EIF2AK1: variants seen among roughly 807,000 people sequenced by gnomAD.
EIF2AK1 encodes the protein eukaryotic translation initiation factor 2 alpha kinase 1, also known as eukaryotic translation initiation factor 2-alpha kinase 1.
In EIF2AK1, 54 loss-of-function variants were observed where a neutral mutation model predicts 77.9. The ratio of observed to expected loss-of-function variants is 0.69; its 90% CI spans 0.56 to 0.87. EIF2AK1 has a LOEUF of 0.87. EIF2AK1 is among the 40% of genes least tolerant of loss of function. The probability of loss-of-function intolerance (pLI) is 0.00; values close to 1 mark genes in which losing one functional copy is unlikely to be tolerated. For synonymous variants in EIF2AK1, 314 were observed against 290.5 expected, an observed-to-expected ratio of 1.08 and a Z score of -0.82; for missense variants, 810 against 768.6, an observed-to-expected ratio of 1.05 and a Z score of -0.64.
rs759982220 is a variant in EIF2AK1 at position 6,023,235 on chromosome 7, C to G, written c.*1438G>C. On this transcript the variant is annotated 3_prime_UTR_variant, in exon 15 of 15. Transcript: ENST00000199389. ...TGTGGTGTTTGGTGACTGTCCCCTT[C>G]CCCACTGTGCGAGTACTTCCCTCAG... 6.0e-6 allele frequency: 9 copies of G among 1,502,648 alleles called. No homozygotes were observed. Among genetic ancestry groups the G allele is most frequent in the Non-Finnish European group, 8.0e-6 (9 of 1,132,076 alleles). 93.1% of individuals were successfully genotyped at this position (1,502,648 alleles called of 1,614,324 possible).
In EIF2AK1 at chr7:6,029,026, T is replaced by A; in HGVS notation, c.1339A>T (p.Asn447Tyr). 6.2e-7 allele frequency: 1 copy of A among 1,609,396 alleles called. No homozygotes were observed. The highest frequency in any genetic ancestry group is 8.5e-7 in the Non-Finnish European group (1 of 1,178,532). Reference sequence around the variant, plus strand: ...TGATCAGGGCCATGAAGAAAAATATTTCTTGGCTATCAACAAACAAAACAA... The same window carrying A: ...TGATCAGGGCCATGAAGAAAAATATATCTTGGCTATCAACAAACAAAACAA... ...GIVHRDLKPRNIFLHGPDQQV... is the reference protein window; with the variant it reads ...GIVHRDLKPRYIFLHGPDQQV... The change falls in exon 12 of 15, where the codon AAT becomes TAT. Residue 447 changes from asparagine (N) to tyrosine (Y), a missense_variant. Asn to Tyr is a moderately radical substitution (Grantham distance 143). This residue lies in a region of EIF2AK1 where 549 missense variants were observed against 533.7 expected (regional missense o/e 1.03). Transcript: ENST00000199389.
intron 8 of EIF2AK1, among the ~76,000 whole-genome samples, chr7:6,042,711 A>G (rs1014193107): frequency 2.6e-5 from 4 of 152,038 alleles, no homozygotes; most frequent in Non-Finnish European, 5.9e-5. Flanking sequence ...CTAAAAATAC[A>G]AAAAACTAGC....
rs369853897 is a variant in EIF2AK1 at position 6,042,609 on chromosome 7, G to A, written c.791+324C>T. Among the ~76,000 whole-genome samples the A allele has an allele frequency of 2.0e-5, 3 of 152,252 alleles. No homozygotes were observed. The South Asian group carries it at 6.2e-4, about 32-fold the overall frequency. ...AGGCCAGGTGCAGTGGCTCACGCCT[G>A]TAATCCCAGCACTTTGGGAGGCCGA... On this transcript the variant is annotated intron_variant, in intron 8 of 14. Coordinates refer to ENST00000199389, the MANE Select transcript of EIF2AK1 (RefSeq NM_014413.4).
chr7:6,054,252 T>C (rs1788687783), intron 2 of EIF2AK1, among the ~76,000 whole-genome samples: 1 of 152,080 alleles, frequency 6.6e-6, no homozygotes, highest in South Asian at 2.1e-4. Flanking sequence ...TCACCCAGGC[T>C]GGAGTGCAGT....
intron 10 of EIF2AK1, among the ~76,000 whole-genome samples, chr7:6,038,240 G>A (rs1788160502): frequency 6.6e-6 from 1 of 152,050 alleles, no homozygotes; most frequent in South Asian, 2.1e-4. Context: ...GACCAGCCTG[G>A]GCAGGATAAT....
Position 6,035,445 on chromosome 7 carries a change from G to T in EIF2AK1, c.1332+1979C>A. 6.5e-7 allele frequency: 1 copy of T among 1,548,940 alleles called. No homozygotes were observed. The highest frequency in any genetic ancestry group is 1.2e-5 in the South Asian group (1 of 83,954). ...ACGTGTAATCAATACCCATTCTAGG[G>T]ACACGACAGGCCTCACCACACTCAA... is the stretch of plus-strand genomic sequence containing the variant. On this transcript the variant is annotated intron_variant, in intron 11 of 14. Coordinates refer to ENST00000199389, the MANE Select transcript of EIF2AK1 (RefSeq NM_014413.4). The surrounding 1 kb of genome is among the most constrained non-coding windows in gnomAD (Gnocchi z 5.5).
intron 9 of EIF2AK1, among the ~76,000 whole-genome samples, chr7:6,039,439 A>G (rs533572827): frequency 2.8e-4 from 43 of 151,418 alleles, no homozygotes; most frequent in Middle Eastern, 6.8e-3. Context: ...GAACAACATG[A>G]TGAAACCTCG....
In EIF2AK1 at chr7:6,027,903, A is replaced by AT. The variant is rs757506007; in HGVS notation, c.1530+711dup. 4 of 449,140 alleles carry AT rather than the reference A, an allele frequency of 8.9e-6. No homozygotes were observed. Among genetic ancestry groups the AT allele is most frequent in the Admixed American group, 2.4e-5 (1 of 41,780 alleles). The allele number at this position is 449,140 out of a possible 1,614,324, so 27.8% of individuals were successfully genotyped here. ...AAAGCAAGACCCATCTCTACAAATA[A>AT]TTTTTTTTATTAGCTGGGTGTGGTA... is the stretch of plus-strand genomic sequence containing the variant. On this transcript the variant is annotated intron_variant, in intron 13 of 14. Transcript: ENST00000199389. This position sits in a 1 kb window ranked among gnomAD's most constrained non-coding sequence, Gnocchi z 4.5.
chr7:6,058,208 G>A (rs1458546689), intron 1 of EIF2AK1: 4 of 453,494 alleles, frequency 8.8e-6, no homozygotes, highest in Admixed American at 4.7e-5. Flanking sequence ...CCAGGCGTTC[G>A]AGACCAGCCT....
At chr7:6,057,294 T>A (rs1788807952) in intron 1 of EIF2AK1, among the ~76,000 whole-genome samples, 2 of 151,978 alleles carry the variant, frequency 1.3e-5, no homozygotes, top group Non-Finnish European at 2.9e-5. Flanking sequence ...GCAACAACAT[T>A]TCCATGTATT....
In EIF2AK1 at chr7:6,036,433, A is replaced by G; in HGVS notation, c.1332+991T>C. On this transcript the variant is annotated intron_variant, in intron 11 of 14. Transcript: ENST00000199389. This position sits in a 1 kb window ranked among gnomAD's most constrained non-coding sequence, Gnocchi z 4.6. The stretch of plus-strand genomic sequence containing the variant: ...AGCAGAGGGACTTTCAGCCACTCAA[A>G]CTGCATTTTCTGGCTAGACATGTCC... 1.5e-6 allele frequency: 2 copies of G among 1,372,020 alleles called. No individual in the cohort carries two copies. The highest frequency in any genetic ancestry group is 9.6e-7 in the Non-Finnish European group (1 of 1,045,054). The allele number at this position is 1,372,020 out of a possible 1,614,324, so 85.0% of individuals were successfully genotyped here.
chr7:6,052,531 G>A (rs563523975), intron 2 of EIF2AK1, among the ~76,000 whole-genome samples: 28 of 129,152 alleles, frequency 2.2e-4, no homozygotes, highest in Admixed American at 2.1e-3. Context: ...AACTAAAAAC[G>A]CATTCAGTTT....
Position 6,032,892 on chromosome 7 carries a change from G to A in EIF2AK1, c.1333-3860C>T. The stretch of plus-strand genomic sequence containing the variant: ...TGGCTGCCAAGTACCACAAGGCCCA[G>A]AGTCTGCTCTGCCTGTTACGGCACG... On this transcript the variant is annotated intron_variant, in intron 11 of 14. Transcript: ENST00000199389. The surrounding 1 kb of genome is among the most constrained non-coding windows in gnomAD (Gnocchi z 4.3). The A allele has an allele frequency of 6.4e-7, 1 of 1,551,076 alleles. No homozygotes were observed. Among genetic ancestry groups the A allele is most frequent in the East Asian group, 2.4e-5 (1 of 40,928 alleles).
chr7:6,049,046 G>A (rs552486712), intron 3 of EIF2AK1, among the ~76,000 whole-genome samples: 2 of 152,134 alleles, frequency 1.3e-5, no homozygotes, highest in East Asian at 1.9e-4. Flanking sequence ...CAAGACTGAC[G>A]TCACCTTCAA....
chr7:6,023,403 T>C lies in EIF2AK1; in HGVS notation c.*1270A>G. On this transcript the variant is annotated 3_prime_UTR_variant, in exon 15 of 15. Coordinates refer to ENST00000199389, the MANE Select transcript of EIF2AK1 (RefSeq NM_014413.4). ...TGTTCTCTCTGTTTGGCCAGAAGCA[T>C]AATGCTGTCAACGCAACCCTTATAG... 6.2e-7 allele frequency: 1 copy of C among 1,614,216 alleles called. No homozygotes were observed.
intron 11 of EIF2AK1, chr7:6,031,446 C>A: frequency 6.4e-7 from 1 of 1,550,738 alleles, no homozygotes; most frequent in Non-Finnish European, 8.7e-7. Context: ...GAAGATGGCC[C>A]ATCTGCAGCA....
At chr7:6,050,695 C>T (rs944241563) in intron 2 of EIF2AK1, among the ~76,000 whole-genome samples, 3 of 150,744 alleles carry the variant, frequency 2.0e-5, no homozygotes, top group Admixed American at 6.6e-5. Context: ...CTCTGCCTCC[C>T]GGGTTCATGC....
At position 6,041,127 on chromosome 7, in the gene EIF2AK1, G is replaced by C. The variant is rs1176502616; in HGVS notation, c.884C>G (p.Ser295Cys). 1 of 1,613,774 alleles carries C rather than the reference G, an allele frequency of 6.2e-7. No homozygotes were observed. Among genetic ancestry groups the C allele is most frequent in the East Asian group, 2.2e-5 (1 of 44,884 alleles). Reference protein sequence around the residue: ...TPEKEKRFGESDTENQNNKSV... With the variant: ...TPEKEKRFGECDTENQNNKSV... ...CTTGTTATTCTGATTTTCAGTGTCA[G>C]ATTCTCCAAAGCGTTTTTCTTTTTC... The change falls in exon 9 of 15, where the codon TCT becomes TGT. Residue 295 changes from serine to cysteine, a missense_variant. Coordinates refer to ENST00000199389, the MANE Select transcript of EIF2AK1 (RefSeq NM_014413.4).
rs865839849 is a variant in EIF2AK1 at position 6,022,901 on chromosome 7, C to T, written c.*1772G>A. 1 of 183,434 alleles carries T rather than the reference C, an allele frequency of 5.5e-6. No homozygotes were observed. Among genetic ancestry groups the T allele is most frequent in the East Asian group, 1.5e-4 (1 of 6,674 alleles). 11.4% of individuals were successfully genotyped at this position (183,434 alleles called of 1,614,324 possible). On this transcript the variant is annotated 3_prime_UTR_variant, in exon 15 of 15. Transcript: ENST00000199389. ...TGGTTTATGTTGATATGGAGATAAG[C>T]GAGTTCATGTCATTCATATCTTAAT...
Sources: gnomAD v4.1 joint callset for allele counts (sites outside exome capture counted in the v4.1 genomes callset) on GRCh38, gnomAD v4.1.1 for gene constraint, gnomAD v4.1.1 regional missense constraint, Gnocchi (gnomAD v3.1) non-coding constraint, MANE v1.5 for transcripts, NCBI Gene and HGNC (gene_info 2026-07-23, HGNC 2026-07-21) for gene names.